DMD: variants seen among roughly 807,000 people sequenced by gnomAD.
The protein encoded by DMD is dystrophin.
DMD carries 63 observed loss-of-function variants against 330.1 expected under a neutral mutation model. That is an observed-to-expected ratio of 0.19 (90% CI 0.16 to 0.24). The LOEUF is 0.24. Among genes scored for constraint, DMD ranks in the 10% least tolerant of loss-of-function variants. DMD has a pLI of 1.00. For synonymous variants in DMD, 1,223 were observed against 959.8 expected (o/e 1.27, Z -5.07); for missense variants, 3,344 against 2,684.1 (o/e 1.25, Z -5.43).
intron 48 of DMD, among the ~76,000 whole-genome samples, chrX:31,837,665 G>A (rs2093231797): frequency 9.0e-6 from 1 of 111,435 alleles, no homozygotes; most frequent in Non-Finnish European, 1.9e-5. Context: ...TGATTAACCC[G>A]TATCTCTCTT....
chrX:31,470,721 C>T (rs925854491), intron 59 of DMD, among the ~76,000 whole-genome samples: 14 of 111,956 alleles, frequency 1.3e-4, no homozygotes, highest in African/African-American at 9.7e-5. Context: ...CAGGCAGGAA[C>T]GTTTAAGTCT....
chrX:31,904,601 C>G (rs2094457765), intron 47 of DMD, among the ~76,000 whole-genome samples: 1 of 111,303 alleles, frequency 9.0e-6, no homozygotes, highest in Admixed American at 9.6e-5. Flanking sequence ...TGTTAGAGAC[C>G]GAAGGAACTA....
intron 44 of DMD, among the ~76,000 whole-genome samples, chrX:32,145,032 C>T (rs2096772307): frequency 4.5e-5 from 5 of 111,749 alleles, no homozygotes. Context: ...GAAACACCGT[C>T]TCAATGAATC....
At chrX:31,449,928 C>T (rs959056745) in intron 59 of DMD, among the ~76,000 whole-genome samples, 3 of 107,315 alleles carry the variant, frequency 2.8e-5, no homozygotes, top group Non-Finnish European at 5.8e-5. Context: ...AACTCATAGA[C>T]GTCCTATCTC....
At chrX:31,969,156 T>A (rs2095377205) in intron 44 of DMD, among the ~76,000 whole-genome samples, 1 of 111,524 alleles carries the variant, frequency 9.0e-6, no homozygotes, top group African/African-American at 3.3e-5. Flanking sequence ...TAATCTATAG[T>A]CACCAGAGCA....
intron 52 of DMD, among the ~76,000 whole-genome samples, chrX:31,702,803 T>C (rs1195349326): frequency 9.1e-6 from 1 of 110,112 alleles, no homozygotes; most frequent in Non-Finnish European, 1.9e-5. Flanking sequence ...ACTGATTTAA[T>C]GTTAGCCTTT....
At chrX:33,245,621 T>C (rs1230942859) in intron 1 of DMD, among the ~76,000 whole-genome samples, 3 of 112,269 alleles carry the variant, frequency 2.7e-5, no homozygotes, top group Admixed American at 9.5e-5. Flanking sequence ...AAAACAACTA[T>C]GAATTTTAAC....
chrX:32,773,285 C>T (rs1444256849), intron 7 of DMD, among the ~76,000 whole-genome samples: 1 of 111,297 alleles, frequency 9.0e-6, no homozygotes, highest in African/African-American at 3.3e-5. Flanking sequence ...GTTATTATGA[C>T]TACATAATAG....
chrX:32,726,843 T>C (rs1369223028), intron 7 of DMD, among the ~76,000 whole-genome samples: 1 of 110,524 alleles, frequency 9.0e-6, no homozygotes, highest in South Asian at 3.8e-4. Context: ...GATGATGGAT[T>C]CAGATATTAT....
chrX:32,696,543 G>C lies in DMD; in HGVS notation c.960+1327C>G, dbSNP rs774021944. ...AGGTAGAATGAGCAGAGCCTAGCAA[G>C]ATGTAAGTCCATTTGTAATTACTTC... On this transcript the variant is annotated intron_variant, in intron 9 of 78. Transcript: ENST00000357033. 4.5e-5 allele frequency among the ~76,000 whole-genome samples: 5 copies of C among 112,136 alleles called. No homozygotes were observed. In the East Asian group the frequency reaches 1.1e-3, roughly 25 times the overall value.
Position 32,383,409 on chromosome X carries a change from T to C in DMD, c.4675-2729A>G, listed in dbSNP as rs771844548. ...GTTCCTTCTTACATAAAAAGAATAA[T>C]GTAATAACATTTCCTTTGTTGCCTT... On this transcript the variant is annotated intron_variant, in intron 33 of 78. Transcript: ENST00000357033. 5.4e-5 allele frequency among the ~76,000 whole-genome samples: 6 copies of C among 111,656 alleles called. No homozygotes were observed. The South Asian group carries it at 1.1e-3, about 20-fold the overall frequency.
At chrX:31,827,530 T>C (rs965229309) in intron 49 of DMD, among the ~76,000 whole-genome samples, 7 of 111,528 alleles carry the variant, frequency 6.3e-5, no homozygotes, top group Non-Finnish European at 1.3e-4. Context: ...AACAAAAACT[T>C]AACAAAGAAA....
At chrX:32,149,182 C>A (rs985840951) in intron 44 of DMD, among the ~76,000 whole-genome samples, 4 of 111,379 alleles carry the variant, frequency 3.6e-5, no homozygotes, top group African/African-American at 6.5e-5. Context: ...TTTCTCGTGA[C>A]GAGCCAAGGC....
At chrX:32,706,463 C>A (rs1306843488) in intron 7 of DMD, among the ~76,000 whole-genome samples, 1 of 110,272 alleles carries the variant, frequency 9.1e-6, no homozygotes. Context: ...ATTCGGGAGG[C>A]TGAGGTTAGA....
intron 7 of DMD, among the ~76,000 whole-genome samples, chrX:32,740,781 C>T (rs889111605): frequency 1.8e-5 from 2 of 110,940 alleles, no homozygotes; most frequent in East Asian, 2.9e-4. Flanking sequence ...ACTTCCCATG[C>T]GTTATTTCTA....
chrX:32,106,520 T>C (rs771302054), intron 44 of DMD, among the ~76,000 whole-genome samples: 3 of 111,969 alleles, frequency 2.7e-5, no homozygotes, highest in African/African-American at 9.7e-5. Flanking sequence ...TTCAGTTTCT[T>C]CATCTGAAGG....
intron 9 of DMD, among the ~76,000 whole-genome samples, chrX:32,649,091 G>A (rs1192008523): frequency 1.8e-5 from 2 of 109,811 alleles, no homozygotes; most frequent in Admixed American, 9.7e-5. Context: ...AGGCATGACA[G>A]TGAATGGATG....
At chrX:32,603,017 G>A (rs1273425341) in intron 12 of DMD, among the ~76,000 whole-genome samples, 1 of 111,191 alleles carries the variant, frequency 9.0e-6, no homozygotes, top group Non-Finnish European at 1.9e-5. Flanking sequence ...TATCCTTCCA[G>A]GCCAGACACT....
At chrX:31,792,541 T>G (rs2091621885) in intron 50 of DMD, among the ~76,000 whole-genome samples, 1 of 112,697 alleles carries the variant, frequency 8.9e-6, no homozygotes, top group African/African-American at 3.2e-5. Flanking sequence ...AGCTTTCATT[T>G]AAGTATTATT....
Sources: allele counts gnomAD v4.1 joint callset (sites outside exome capture counted in the v4.1 genomes callset), GRCh38; gene constraint gnomAD v4.1.1; transcripts MANE v1.5; gene names NCBI Gene and HGNC (gene_info 2026-07-23, HGNC 2026-07-21).